ACBD6: variants seen among roughly 807,000 people sequenced by gnomAD.
ACBD6 encodes acyl-CoA binding domain containing 6, also known as acyl-CoA-binding domain-containing protein 6.
ACBD6 carries 28 observed loss-of-function variants against 37.2 expected under a neutral mutation model. The ratio of observed to expected loss-of-function variants is 0.75; its 90% CI spans 0.56 to 1.03. ACBD6 has a LOEUF of 1.03. Ranked by LOEUF, ACBD6 falls within the 50% of genes least tolerant of loss-of-function variation. The pLI is 0.00. For synonymous variants in ACBD6, 113 were observed against 126.8 expected (o/e 0.89, Z 0.73); for missense variants, 340 against 337.4 (o/e 1.01, Z -0.06).
chr1:180,358,367 C>T (rs1243569726), intron 6 of ACBD6, among the ~76,000 whole-genome samples: 2 of 151,932 alleles, frequency 1.3e-5, no homozygotes, highest in Admixed American at 1.3e-4. Flanking sequence ...GCGGGGGTTG[C>T]GGTGAGCCGA....
At chr1:180,461,118 TAGC>T (rs2102042385) in intron 3 of ACBD6, among the ~76,000 whole-genome samples, 1 of 152,272 alleles carries the variant, frequency 6.6e-6, no homozygotes, top group African/African-American at 2.4e-5. Context: ...CAAGTATTAA[TAGC>T]AGAAGAGACC....
intron 6 of ACBD6, among the ~76,000 whole-genome samples, chr1:180,391,309 A>T (rs1051564023): frequency 3.9e-5 from 6 of 152,134 alleles, no homozygotes; most frequent in Non-Finnish European, 7.4e-5. Context: ...AATAAATAAG[A>T]TCATAAAAAT....
intron 4 of ACBD6, among the ~76,000 whole-genome samples, 175 bp downstream of exon 4, chr1:180,430,005 G>A (rs138969172): frequency 6.6e-6 from 1 of 152,128 alleles, no homozygotes; most frequent in Admixed American, 6.5e-5. Flanking sequence ...TTATTGTCCT[G>A]CTGGCAAATA....
At chr1:180,397,456 TTA>T in intron 6 of ACBD6, 58 bp downstream of exon 6, 5 of 1,440,868 alleles carry the variant, frequency 3.5e-6, no homozygotes, top group Non-Finnish European at 3.9e-6. Flanking sequence ...CTGGTAAATT[TTA>T]TGTTATGCGA....
At chr1:180,457,462 T>A (rs1649968885) in intron 3 of ACBD6, among the ~76,000 whole-genome samples, 2 of 140,132 alleles carry the variant, frequency 1.4e-5, no homozygotes, top group African/African-American at 4.9e-5. Context: ...TCTTACTCCA[T>A]CTCATCTTGT....
intron 7 of ACBD6, among the ~76,000 whole-genome samples, chr1:180,292,105 G>A (rs576419865): frequency 6.6e-6 from 1 of 152,300 alleles, no homozygotes; most frequent in South Asian, 2.1e-4. Flanking sequence ...CCTGAAACCA[G>A]TGTGGGGCCT....
chr1:180,488,859 G>C (rs1172852866), intron 3 of ACBD6, among the ~76,000 whole-genome samples: 1 of 152,158 alleles, frequency 6.6e-6, no homozygotes, highest in East Asian at 1.9e-4. Flanking sequence ...GGAATTACAG[G>C]AGTGAGCCAC....
intron 3 of ACBD6, among the ~76,000 whole-genome samples, chr1:180,452,489 A>AATG (rs1166919435): frequency 2.0e-5 from 3 of 151,586 alleles, no homozygotes; most frequent in African/African-American, 7.3e-5. Context: ...AAATAATAAT[A>AATG]ATAATAATAA....
intron 7 of ACBD6, among the ~76,000 whole-genome samples, chr1:180,302,175 T>TA (rs1328982860): frequency 2.0e-5 from 3 of 148,854 alleles, no homozygotes; most frequent in Non-Finnish European, 4.4e-5. Flanking sequence ...ACCTAGAACT[T>TA]AGAGTATAAT....
chr1:180,338,323 C>A (rs10798749), intron 6 of ACBD6, among the ~76,000 whole-genome samples: 145,408 of 152,304 alleles, frequency 0.95, 69,481 homozygotes, highest in African/African-American at 0.99. Context: ...CTGGTATCAA[C>A]ACAGAGATAT....
chr1:180,320,715 T>C (rs1192134909), intron 6 of ACBD6, among the ~76,000 whole-genome samples: 1 of 152,132 alleles, frequency 6.6e-6, no homozygotes, highest in Non-Finnish European at 1.5e-5. Context: ...TGGTTATTAA[T>C]CTCTTGTATA....
intron 6 of ACBD6, among the ~76,000 whole-genome samples, chr1:180,395,289 A>T (rs1312017351): frequency 6.6e-6 from 1 of 152,066 alleles, no homozygotes; most frequent in African/African-American, 2.4e-5. Flanking sequence ...TGTCTGAGGG[A>T]TATCAAAGAA....
chr1:180,310,602 C>G (rs1273407087), intron 7 of ACBD6, among the ~76,000 whole-genome samples: 1 of 152,162 alleles, frequency 6.6e-6, no homozygotes, highest in East Asian at 1.9e-4. Context: ...TTGTTGACTA[C>G]TACAAATATG....
intron 1 of ACBD6, 130 bp downstream of exon 1, chr1:180,501,915 A>C (rs1221591325): frequency 3.5e-5 from 31 of 892,268 alleles, no homozygotes; most frequent in African/African-American, 6.6e-5. Context: ...CAAAAAAAAA[A>C]AAACAAAACA....
At chr1:180,480,685 T>C (rs991314844) in intron 3 of ACBD6, among the ~76,000 whole-genome samples, 2 of 152,150 alleles carry the variant, frequency 1.3e-5, no homozygotes, top group Non-Finnish European at 2.9e-5. Flanking sequence ...AAGTACTTGA[T>C]TAGGCTCACA....
At chr1:180,311,975 C>T (rs1441308830) in intron 7 of ACBD6, among the ~76,000 whole-genome samples, 1 of 152,198 alleles carries the variant, frequency 6.6e-6, no homozygotes, top group Non-Finnish European at 1.5e-5. Context: ...TCTCTGCCTT[C>T]ATTATTATAG....
intron 7 of ACBD6, among the ~76,000 whole-genome samples, chr1:180,308,236 T>C (rs774721307): frequency 2.8e-4 from 42 of 152,366 alleles, no homozygotes; most frequent in Non-Finnish European, 5.6e-4. Flanking sequence ...TCTTTGATTT[T>C]ATACAGACTT....
rs189524318 is a variant in ACBD6 at position 180,332,010 on chromosome 1, T to C, written c.664-17288A>G. 2.6e-5 allele frequency among the ~76,000 whole-genome samples: 4 copies of C among 152,290 alleles called. No homozygotes were observed. The East Asian group carries it at 5.8e-4, about 22-fold the overall frequency. On this transcript the variant is annotated intron_variant, in intron 6 of 7. Transcript: ENST00000367595. ...TGAGTTTAATTGTGTCTCCCAAAAA[T>C]ATGTTAAAGTTCTAACTCCTTGTAC...
At chr1:180,276,414 A>C (rs1649031299) in intron 9 of ACBD6, 1 of 152,150 alleles carries the variant, frequency 6.6e-6, no homozygotes, top group African/African-American at 2.4e-5. Context: ...CCAATTTTAT[A>C]GCGTACCCTC....
Sources: allele counts gnomAD v4.1 joint callset (sites outside exome capture counted in the v4.1 genomes callset), GRCh38; gene constraint gnomAD v4.1.1; transcripts MANE v1.5; gene names NCBI Gene and HGNC (gene_info 2026-07-23, HGNC 2026-07-21).